The following PDXDC1 variants were observed in gnomAD, a reference collection of about 807,000 sequenced individuals.
The protein encoded by PDXDC1 is pyridoxal-dependent decarboxylase domain-containing protein 1.
Under a neutral mutation model 100.1 loss-of-function variants are expected in PDXDC1, and 42 were observed. The observed-to-expected ratio is 0.42, with a 90% CI of 0.33 to 0.54. PDXDC1 has a LOEUF of 0.54. PDXDC1 is among the 20% of genes least tolerant of loss of function. PDXDC1 has a pLI of 0.10. For missense variants in PDXDC1, 636 were observed against 979.2 expected, an observed-to-expected ratio of 0.65 and a Z score of 4.68; for synonymous variants, 260 against 371.7, an observed-to-expected ratio of 0.70 and a Z score of 3.46.
chr16:15,124,316 ACT>A (rs1340425865), intron 16 of PDXDC1, among the ~76,000 whole-genome samples: 2 of 151,858 alleles, frequency 1.3e-5, no homozygotes, highest in African/African-American at 4.8e-5. Context: ...GTGTGCCCAA[ACT>A]CTCTCAGGCC....
At chr16:15,017,955 C>T (rs866461873) in intron 11 of PDXDC1, among the ~76,000 whole-genome samples, 14 of 152,166 alleles carry the variant, frequency 9.2e-5, no homozygotes, top group African/African-American at 1.7e-4. Flanking sequence ...CCACCACGCC[C>T]GGCTTATTTT....
intron 1 of PDXDC1, chr16:14,989,189 C>T: frequency 1.2e-6 from 2 of 1,613,706 alleles, no homozygotes; most frequent in South Asian, 2.2e-5. Context: ...CCGCTGGCAT[C>T]TCCAAGAGCT....
At chr16:15,109,999 C>G (rs1289767394) in intron 16 of PDXDC1, among the ~76,000 whole-genome samples, 10 of 146,192 alleles carry the variant, frequency 6.8e-5, no homozygotes, top group Non-Finnish European at 1.4e-4. Context: ...AGTAAAAATA[C>G]AAAAATTAGC....
At chr16:15,127,488 G>T in intron 16 of PDXDC1, 2 of 1,566,188 alleles carry the variant, frequency 1.3e-6, no homozygotes, top group South Asian at 2.3e-5. Flanking sequence ...GGGACATCCA[G>T]AAGAGAAAGA....
intron 16 of PDXDC1, among the ~76,000 whole-genome samples, chr16:15,046,929 C>T (rs186454448): frequency 9.9e-4 from 151 of 152,182 alleles, no homozygotes; most frequent in African/African-American, 3.6e-3. Flanking sequence ...CTAGCGGTCC[C>T]CACATCTTCC....
Position 15,051,698 on chromosome 16 carries a change from ATT to A in PDXDC1, c.1399+21660_1399+21661del, listed in dbSNP as rs61437077. 1.7e-3 allele frequency among the ~76,000 whole-genome samples: 210 copies of A among 122,362 alleles called. 1 individual carries two copies. Among genetic ancestry groups the A allele is most frequent in the Non-Finnish European group, 2.4e-3 (143 of 59,564 alleles). 80.3% of individuals were successfully genotyped at this position (122,362 alleles called of 152,430 possible). ...GTGCCCAGCCTCTACTTTATTTTTA[ATT>A]TTTTTTTTTTTTTTTTTAGAGACAA... On this transcript the variant is annotated intron_variant, in intron 16 of 16. Transcript: ENST00000535621.
At chr16:15,038,512 T>A, downstream of PDXDC1, 1 of 968,054 alleles carries the variant, frequency 1.0e-6, no homozygotes, top group Non-Finnish European at 1.6e-6. Context: ...ACCCTTTTTT[T>A]CTTACAGATG....
intron 12 of PDXDC1, among the ~76,000 whole-genome samples, chr16:15,019,513 G>A (rs1207741945): frequency 6.6e-6 from 1 of 152,292 alleles, no homozygotes; most frequent in African/African-American, 2.4e-5. Flanking sequence ...AAATACCTTA[G>A]AGTGGGTAAT....
intron 16 of PDXDC1, chr16:15,133,521 G>A (rs375206279): frequency 0.055 from 50,771 of 919,030 alleles, 1,703 homozygotes; most frequent in East Asian, 0.13. Flanking sequence ...GCTCCCAGCT[G>A]GTCCTGCACC....
chr16:15,036,012 G>A lies in PDXDC1; in HGVS notation c.2108-4G>A, dbSNP rs760045504. The A allele has an allele frequency of 1.4e-5, 23 of 1,608,864 alleles. No individual in the cohort carries two copies. Among genetic ancestry groups the A allele is most frequent in the South Asian group, 1.2e-4 (11 of 90,578 alleles). On this transcript the variant is annotated splice_region_variant and splice_polypyrimidine_tract_variant and intron_variant, in intron 22 of 22. Transcript: ENST00000396410. ...TCAGCGCAGTCTGTCTGCCCTTTCT[G>A]TAGGCCAGAAGCCTTTTAAAAGGTC...
At chr16:14,993,158 A>G (rs1450278815) in intron 1 of PDXDC1, among the ~76,000 whole-genome samples, 1 of 152,292 alleles carries the variant, frequency 6.6e-6, no homozygotes, top group South Asian at 2.1e-4. Context: ...TTTTAAAATT[A>G]TACTTTAATT....
At chr16:15,086,035 T>C (rs2045904622) in intron 16 of PDXDC1, 2 of 1,066,030 alleles carry the variant, frequency 1.9e-6, no homozygotes, top group Non-Finnish European at 2.7e-6. Context: ...GCATCTGGAA[T>C]CTTCCATGGT....
In PDXDC1 at chr16:15,037,348, C is replaced by T. The variant is rs1401315005; in HGVS notation, c.*1073C>T. On this transcript the variant is annotated 3_prime_UTR_variant, in exon 23 of 23. Transcript: ENST00000396410. ...ATCCAGCAGTCAAGCTTTTGGGAGACCTGAAAATGGGAAAATTCACACTGG... is the reference window on the plus strand; with the variant it reads ...ATCCAGCAGTCAAGCTTTTGGGAGATCTGAAAATGGGAAAATTCACACTGG... 2.0e-5 allele frequency: 3 copies of T among 152,132 alleles called. No individual in the cohort carries two copies. Among genetic ancestry groups the T allele is most frequent in the African/African-American group, 7.2e-5 (3 of 41,404 alleles). The allele number at this position is 152,132 out of a possible 1,614,324, so 9.4% of individuals were successfully genotyped here.
intron 16 of PDXDC1, among the ~76,000 whole-genome samples, chr16:15,083,007 A>G (rs2151806907): frequency 6.6e-6 from 1 of 152,388 alleles, no homozygotes; most frequent in East Asian, 1.9e-4. Context: ...TAATAACAGA[A>G]AAAGGCACTG....
chr16:15,142,196 C>T (rs1370664423), downstream of PDXDC1, among the ~76,000 whole-genome samples: 1 of 152,164 alleles, frequency 6.6e-6, no homozygotes, highest in Non-Finnish European at 1.5e-5. Flanking sequence ...AGCTGACAAG[C>T]CAGGGCAGGG....
Position 15,034,457 on chromosome 16 carries a change from G to T in PDXDC1, c.1906G>T (p.Gly636Trp), listed in dbSNP as rs765071919. 3 of 1,614,132 alleles carry T rather than the reference G, an allele frequency of 1.9e-6. No homozygotes were observed. The highest frequency in any genetic ancestry group is 2.5e-6 in the Non-Finnish European group (3 of 1,180,016). Residue 636 changes from glycine to tryptophan, a missense_variant and splice_region_variant, in exon 21 of 23, where the codon GGG becomes TGG. Physicochemically the swap from Gly to Trp is radical, Grantham distance 184. Around this residue, in one of 4 missense-constraint regions of PDXDC1, gnomAD observed 452 missense variants for 402.9 expected, o/e 1.12. Transcript: ENST00000396410. ...CCTGAACTCTGGTCCTGTCTTGCAG[G>T]GGGTGTTGCGGCAGATCCCTGTAGT... ...KASEERLLEEGVLRQIPVVGS... is the reference protein window; with the variant it reads ...KASEERLLEEWVLRQIPVVGS...
intron 16 of PDXDC1, chr16:15,091,174 C>G (rs961718856): frequency 5.7e-5 from 48 of 841,934 alleles, no homozygotes; most frequent in Admixed American, 1.2e-4. Flanking sequence ...AAAACTGTCC[C>G]TGGTTGAGAA....
chr16:15,038,008 C>CTTTCT lies in PDXDC1; in HGVS notation c.*1736_*1740dup. ...AATGGTCTGTCAGGCCAAGAAGGTG[C>CTTTCT]TTTCTTTGGTAATTCATGTTTTTTA... On this transcript the variant is annotated 3_prime_UTR_variant, in exon 23 of 23. Transcript: ENST00000396410. The CTTTCT allele has an allele frequency of 1.3e-6, 2 of 1,592,458 alleles. No homozygotes were observed. Among genetic ancestry groups the CTTTCT allele is most frequent in the South Asian group, 1.1e-5 (1 of 89,412 alleles).
Position 15,036,048 on chromosome 16 carries a change from T to A in PDXDC1, c.2140T>A (p.Ser714Thr). ...GCCTTTTAAAAGGTCCCTGCGAGGTTCAGATGCTTTGAGTGAGACCAGCTC... is the reference window on the plus strand; with the variant it reads ...GCCTTTTAAAAGGTCCCTGCGAGGTACAGATGCTTTGAGTGAGACCAGCTC... Reference protein sequence around the residue: ...QKPFKRSLRGSDALSETSSVS... With the variant: ...QKPFKRSLRGTDALSETSSVS... The change falls in exon 23 of 23, where the codon TCA becomes ACA. Residue 714 changes from serine (S) to threonine (T), a missense_variant. Ser to Thr is a moderately conservative substitution (Grantham distance 58, BLOSUM62 1). This residue lies in a region of PDXDC1 where 452 missense variants were observed against 402.9 expected (regional missense o/e 1.12). Transcript: ENST00000396410. The A allele has an allele frequency of 6.2e-7, 1 of 1,614,150 alleles. No homozygotes were observed. Among genetic ancestry groups the A allele is most frequent in the East Asian group, 2.2e-5 (1 of 44,884 alleles).
Sources: gnomAD v4.1 joint callset for allele counts (sites outside exome capture counted in the v4.1 genomes callset) on GRCh38, gnomAD v4.1.1 for gene constraint, gnomAD v4.1.1 regional missense constraint, MANE v1.5 for transcripts, NCBI Gene and HGNC (gene_info 2026-07-23, HGNC 2026-07-21) for gene names.